The following TM7SF3 variants were observed in gnomAD, a reference collection of about 807,000 sequenced individuals.
TM7SF3 encodes the protein transmembrane 7 superfamily member 3.
In TM7SF3, 60 loss-of-function variants were observed where a neutral mutation model predicts 65.5. The observed-to-expected ratio is 0.92, with a 90% CI of 0.74 to 1.14. TM7SF3 has a LOEUF of 1.14. Ranked by LOEUF, TM7SF3 falls within the 50% of genes most tolerant of loss-of-function variation. The probability of loss-of-function intolerance (pLI) is 0.00; values close to 1 mark genes in which losing one functional copy is unlikely to be tolerated. For synonymous variants in TM7SF3, 264 were observed against 259.6 expected (o/e 1.02, Z -0.16); for missense variants, 623 against 684.8 (o/e 0.91, Z 1.01).
intron 6 of TM7SF3, among the ~76,000 whole-genome samples, chr12:26,984,168 G>A (rs540693548): frequency 9.2e-5 from 14 of 152,238 alleles, no homozygotes; most frequent in African/African-American, 2.9e-4. Flanking sequence ...AGTGGCTCAC[G>A]CCTATAATCC....
At chr12:27,008,146 G>C (rs1941109713) in intron 1 of TM7SF3, among the ~76,000 whole-genome samples, 1 of 151,764 alleles carries the variant, frequency 6.6e-6, no homozygotes, top group South Asian at 2.1e-4. Context: ...ACAATGTTTT[G>C]CCAATGTATA....
chr12:26,987,556 C>T (rs1394545319), intron 6 of TM7SF3, among the ~76,000 whole-genome samples: 1 of 152,138 alleles, frequency 6.6e-6, no homozygotes, highest in Non-Finnish European at 1.5e-5. Context: ...TAGGAATCTA[C>T]AGGTCCAGGT....
At chr12:26,988,672 T>TTGTGTGTGTGTG (rs147021582) in intron 6 of TM7SF3, among the ~76,000 whole-genome samples, 1,647 of 146,290 alleles carry the variant, frequency 0.011, 14 homozygotes, top group South Asian at 0.019. Flanking sequence ...GAGAAGAAAA[T>TTGTGTGTGTGTG]TGTGTGTGTG....
At chr12:27,011,319 G>A (rs887275843) in intron 1 of TM7SF3, among the ~76,000 whole-genome samples, 1 of 152,166 alleles carries the variant, frequency 6.6e-6, no homozygotes, top group African/African-American at 2.4e-5. Context: ...AATTCCACGG[G>A]AGTTACTGGA....
chr12:26,984,760 G>A (rs147242263), intron 6 of TM7SF3, among the ~76,000 whole-genome samples: 34 of 152,282 alleles, frequency 2.2e-4, no homozygotes, highest in African/African-American at 6.7e-4. Context: ...AAATGAGAGG[G>A]TATGGAAGGT....
chr12:27,007,318 G>A (rs1941076140), intron 1 of TM7SF3, among the ~76,000 whole-genome samples: 1 of 152,150 alleles, frequency 6.6e-6, no homozygotes, highest in South Asian at 2.1e-4. Flanking sequence ...GAGGGACACT[G>A]TATACATTAT....
intron 1 of TM7SF3, among the ~76,000 whole-genome samples, chr12:27,013,780 T>C (rs1170034338): frequency 6.6e-6 from 1 of 152,154 alleles, no homozygotes; most frequent in African/African-American, 2.4e-5. Flanking sequence ...GTAAGTTGAA[T>C]TAAAGCCACA....
chr12:26,973,769 T>C lies in TM7SF3; in HGVS notation c.*196A>G, dbSNP rs1258570671. The stretch of plus-strand genomic sequence containing the variant: ...AAAAGCCTCCCTACCACCAACCTTT[T>C]GGTCATCTTTCTCATTCTCTTACAA... On this transcript the variant is annotated 3_prime_UTR_variant, in exon 12 of 12. Coordinates refer to ENST00000343028, the MANE Select transcript of TM7SF3 (RefSeq NM_016551.3). The C allele has an allele frequency of 3.4e-6, 2 of 588,168 alleles. No homozygotes were observed. The highest frequency in any genetic ancestry group is 3.7e-5 in the Admixed American group (1 of 27,094). 36.4% of individuals were successfully genotyped at this position (588,168 alleles called of 1,614,324 possible).
At chr12:27,006,042 C>T (rs1038726573) in intron 1 of TM7SF3, among the ~76,000 whole-genome samples, 2 of 151,692 alleles carry the variant, frequency 1.3e-5, no homozygotes, top group East Asian at 1.9e-4. Context: ...TCAAGCGATC[C>T]GCCCATCTCA....
chr12:27,010,844 T>C (rs1941218272), intron 1 of TM7SF3, among the ~76,000 whole-genome samples: 1 of 152,218 alleles, frequency 6.6e-6, no homozygotes, highest in Admixed American at 6.5e-5. Flanking sequence ...TTTCCAATAA[T>C]TCCACTTTAA....
At chr12:26,989,984 C>T (rs898681058) in intron 6 of TM7SF3, among the ~76,000 whole-genome samples, 12 of 152,326 alleles carry the variant, frequency 7.9e-5, no homozygotes, top group African/African-American at 2.6e-4. Flanking sequence ...TTGCCCTCCT[C>T]GTTCTCCTGC....
chr12:26,988,231 C>T lies in TM7SF3; in HGVS notation c.868+2219G>A, dbSNP rs546235574. Among the ~76,000 whole-genome samples the T allele has an allele frequency of 2.2e-3, 331 of 152,208 alleles. 1 individual carries two copies. The highest frequency in any genetic ancestry group is 7.7e-3 in the African/African-American group (321 of 41,538). ...AGGCTGGAGTGCAGAAGCACAATCA[C>T]GGCTCACTGCAGCCTCAACCTTCCT... On this transcript the variant is annotated intron_variant, in intron 6 of 11. Transcript: ENST00000343028.
At chr12:27,006,549 A>G (rs1941044987) in intron 1 of TM7SF3, among the ~76,000 whole-genome samples, 1 of 152,250 alleles carries the variant, frequency 6.6e-6, no homozygotes, top group Admixed American at 6.5e-5. Context: ...TTAAAATGGT[A>G]ATATTTTTCT....
intron 1 of TM7SF3, among the ~76,000 whole-genome samples, chr12:27,011,659 T>A (rs1941248254): frequency 1.3e-5 from 2 of 152,230 alleles, no homozygotes; most frequent in East Asian, 1.9e-4. Context: ...ATTATGCAAG[T>A]CCTGAACTAT....
chr12:27,003,077 G>A (rs945339111), intron 2 of TM7SF3, among the ~76,000 whole-genome samples, 159 bp downstream of exon 2: 13 of 152,262 alleles, frequency 8.5e-5, no homozygotes, highest in African/African-American at 2.6e-4. Context: ...GATACTCTCA[G>A]TCACTAACTT....
At chr12:26,985,764 G>C (rs1702238151) in intron 6 of TM7SF3, among the ~76,000 whole-genome samples, 1 of 143,096 alleles carries the variant, frequency 7.0e-6, no homozygotes, top group South Asian at 2.2e-4. Context: ...GTGGAAGACT[G>C]AGTGGTGACA....
At chr12:26,989,692 T>C (rs1418940222) in intron 6 of TM7SF3, among the ~76,000 whole-genome samples, 1 of 149,316 alleles carries the variant, frequency 6.7e-6, no homozygotes, top group Non-Finnish European at 1.5e-5. Context: ...CACACACCCC[T>C]CACAACACCT....
At chr12:26,979,680 C>A (rs1429045267) in intron 9 of TM7SF3, 104 bp downstream of exon 9, 3 of 1,319,312 alleles carry the variant, frequency 2.3e-6, no homozygotes, top group Admixed American at 2.1e-5. Context: ...CAGAACTCCA[C>A]AGGAGAAGCA....
chr12:26,975,079 CTCTT>C (rs781533105), intron 11 of TM7SF3, among the ~76,000 whole-genome samples: 19 of 129,956 alleles, frequency 1.5e-4, no homozygotes, highest in African/African-American at 3.0e-4. Flanking sequence ...TAATTAAAAA[CTCTT>C]TCAACTAGCA....
Sources: gnomAD v4.1 joint callset for allele counts (sites outside exome capture counted in the v4.1 genomes callset) on GRCh38, gnomAD v4.1.1 for gene constraint, MANE v1.5 for transcripts, NCBI Gene and HGNC (gene_info 2026-07-23, HGNC 2026-07-21) for gene names.